Variants in ATP2B1 observed in about 807,000 individuals in gnomAD.
ATP2B1 encodes ATPase plasma membrane Ca2+ transporting 1.
Under a neutral mutation model 124.2 loss-of-function variants are expected in ATP2B1, and 14 were observed. That is an observed-to-expected ratio of 0.11 (90% CI 0.07 to 0.18). The LOEUF (loss-of-function observed/expected upper bound fraction) is 0.18, where lower values mean the gene tolerates loss of function less well. Ranked by LOEUF, ATP2B1 falls within the 10% of genes least tolerant of loss-of-function variation. The probability of loss-of-function intolerance (pLI) is 1.00; values close to 1 mark genes in which losing one functional copy is unlikely to be tolerated. For synonymous variants in ATP2B1, 449 were observed against 492.4 expected (o/e 0.91, Z 1.17); for missense variants, 763 against 1,466.1 (o/e 0.52, Z 7.83).
In ATP2B1 at chr12:89,610,503, C is replaced by T; in HGVS notation, c.2253G>A (p.Glu751=). The T allele has an allele frequency of 6.2e-7, 1 of 1,613,154 alleles. No homozygotes were observed. Among genetic ancestry groups the T allele is most frequent in the East Asian group, 2.2e-5 (1 of 44,848 alleles). The stretch of plus-strand genomic sequence containing the variant: ...GCCAAATCTTGTCTATCCTCTCTTG[C>T]TCAATCTATAAGTGTTTATCAAAGT... ...RRIRNEKGEI[E]QERIDKIWPK... The change falls in exon 14 of 21, where the codon GAG becomes GAA. Residue 751 remains glutamate (E), a synonymous_variant. Coordinates refer to ENST00000428670, the MANE Select transcript of ATP2B1 (RefSeq NM_001366521.1).
At chr12:89,638,071 T>C (rs1405478093) in intron 3 of ATP2B1, among the ~76,000 whole-genome samples, 1 of 146,726 alleles carries the variant, frequency 6.8e-6, no homozygotes, top group East Asian at 2.0e-4. Flanking sequence ...CTACTGACAA[T>C]GATTACAAAT....
chr12:89,654,770 A>G (rs1050291698), intron 2 of ATP2B1, among the ~76,000 whole-genome samples: 4 of 152,160 alleles, frequency 2.6e-5, no homozygotes, highest in Non-Finnish European at 5.9e-5. Flanking sequence ...TATTAAGAAA[A>G]ATACTTTTGC....
chr12:89,659,271 T>C (rs995625955), intron 1 of ATP2B1, among the ~76,000 whole-genome samples: 2 of 152,134 alleles, frequency 1.3e-5, no homozygotes, highest in East Asian at 1.9e-4. Flanking sequence ...AGAAAGCACA[T>C]GTAGGCCTCC....
chr12:89,628,581 T>C (rs2136141972), intron 6 of ATP2B1, among the ~76,000 whole-genome samples: 1 of 152,276 alleles, frequency 6.6e-6, no homozygotes, highest in South Asian at 2.1e-4. Flanking sequence ...AATCAGCTTA[T>C]ATTTGGAAAA....
chr12:89,656,578 T>C (rs1311545763), intron 1 of ATP2B1, among the ~76,000 whole-genome samples: 1 of 152,194 alleles, frequency 6.6e-6, no homozygotes, highest in African/African-American at 2.4e-5. Context: ...CTTTTAACAT[T>C]ATACTTGGAT....
intron 1 of ATP2B1, among the ~76,000 whole-genome samples, chr12:89,666,773 C>A (rs1887360017): frequency 6.6e-6 from 1 of 152,118 alleles, no homozygotes; most frequent in Middle Eastern, 3.2e-3. Context: ...CTGTCATGTT[C>A]CTCTTTCAAT....
chr12:89,626,621 T>A lies in ATP2B1; in HGVS notation c.968-6A>T. The stretch of plus-strand genomic sequence containing the variant: ...TGCACCATCCTGGGCTTTTGCTACA[T>A]TTAAGAGCAAATAGAACTTCACTAT... On this transcript the variant is annotated splice_region_variant and splice_polypyrimidine_tract_variant and intron_variant, in intron 7 of 20. Transcript: ENST00000428670. 6.3e-7 allele frequency: 1 copy of A among 1,584,294 alleles called. No individual in the cohort carries two copies. Among genetic ancestry groups the A allele is most frequent in the Non-Finnish European group, 8.5e-7 (1 of 1,171,502 alleles).
At chr12:89,666,221 C>G (rs1038480687) in intron 1 of ATP2B1, among the ~76,000 whole-genome samples, 1 of 151,762 alleles carries the variant, frequency 6.6e-6, no homozygotes, top group African/African-American at 2.4e-5. Flanking sequence ...GGTTAACTCA[C>G]CAAAGTGCAA....
chr12:89,664,111 C>A (rs1221597912), intron 1 of ATP2B1, among the ~76,000 whole-genome samples: 1 of 152,180 alleles, frequency 6.6e-6, no homozygotes, highest in East Asian at 1.9e-4. Context: ...ATGTAACAGT[C>A]TGGCTCAGTG....
intron 8 of ATP2B1, among the ~76,000 whole-genome samples, chr12:89,625,600 A>G (rs1308789185): frequency 2.4e-4 from 36 of 150,236 alleles, no homozygotes; most frequent in South Asian, 4.2e-4. Flanking sequence ...AAAAAAAAAA[A>G]AAAAGAAAAG....
chr12:89,609,253 A>G (rs1877541907), intron 15 of ATP2B1, among the ~76,000 whole-genome samples: 1 of 152,164 alleles, frequency 6.6e-6, no homozygotes, highest in Non-Finnish European at 1.5e-5. Flanking sequence ...AATCTCCACA[A>G]TGGCTATGAA....
At chr12:89,696,660 A>G (rs534047037) in intron 1 of ATP2B1, among the ~76,000 whole-genome samples, 13 of 152,314 alleles carry the variant, frequency 8.5e-5, no homozygotes, top group African/African-American at 2.9e-4. Context: ...ACATTGTCCT[A>G]TTTTCCAAAC....
intron 5 of ATP2B1, 121 bp downstream of exon 5, chr12:89,634,657 A>T: frequency 9.2e-7 from 1 of 1,092,580 alleles, no homozygotes; most frequent in Non-Finnish European, 1.3e-6. Flanking sequence ...ACAACAGTAG[A>T]AGGTAGCATA....
rs1394615950 is a variant in ATP2B1 at position 89,603,258 on chromosome 12, A to C, written c.2849-4T>G. 1 of 1,581,556 alleles carries C rather than the reference A, an allele frequency of 6.3e-7. No individual in the cohort carries two copies. Among genetic ancestry groups the C allele is most frequent in the South Asian group, 1.2e-5 (1 of 86,508 alleles). ...TCAATGTCAAAAAACTTTTCTCCTG[A>C]AAGAATGAAAAATGACTATTTTGTA... On this transcript the variant is annotated splice_polypyrimidine_tract_variant and splice_region_variant and intron_variant, in intron 17 of 20. Transcript: ENST00000428670. This position sits in a 1 kb window ranked among gnomAD's most constrained non-coding sequence, Gnocchi z 4.3.
intron 11 of ATP2B1, among the ~76,000 whole-genome samples, chr12:89,617,510 AATAACTT>A (rs1341169237): frequency 6.6e-6 from 1 of 152,220 alleles, no homozygotes; most frequent in Admixed American, 6.5e-5. Flanking sequence ...AAAGAAAAAA[AATAACTT>A]ATTGTTAAAA....
At chr12:89,655,500 TTA>T in intron 2 of ATP2B1, 177 bp downstream of exon 2, 1 of 627,032 alleles carries the variant, frequency 1.6e-6, no homozygotes. Flanking sequence ...TTTGCAACAT[TTA>T]TGTGTTAATA....
intron 3 of ATP2B1, among the ~76,000 whole-genome samples, chr12:89,636,080 A>T (rs1285605362): frequency 6.6e-6 from 1 of 152,196 alleles, no homozygotes; most frequent in African/African-American, 2.4e-5. Context: ...CAGTGAGCAG[A>T]GAAGGCCCCA....
chr12:89,665,365 TA>T (rs1351969364), intron 1 of ATP2B1, among the ~76,000 whole-genome samples: 1 of 152,152 alleles, frequency 6.6e-6, no homozygotes, highest in Admixed American at 6.5e-5. Context: ...TTTAAACACC[TA>T]AAAAAATTAA....
chr12:89,624,430 T>C (rs894992466), intron 8 of ATP2B1, 33 bp from the exon 9 acceptor site: 3 of 1,561,196 alleles, frequency 1.9e-6, no homozygotes, highest in African/African-American at 1.4e-5. Flanking sequence ...AAAATGTGAT[T>C]ATTAAATTTC....
Sources: allele counts gnomAD v4.1 joint callset (sites outside exome capture counted in the v4.1 genomes callset), GRCh38; gene constraint gnomAD v4.1.1; non-coding constraint Gnocchi (gnomAD v3.1); transcripts MANE v1.5; gene names NCBI Gene and HGNC (gene_info 2026-07-23, HGNC 2026-07-21).